Variants in ITGA11 observed in about 807,000 individuals in gnomAD.
The protein encoded by ITGA11 is integrin subunit alpha 11, also known as integrin alpha-11.
A neutral mutation model predicts 141.9 loss-of-function variants in ITGA11; 97 were observed. The observed-to-expected ratio is 0.68, with a 90% CI of 0.58 to 0.81. The LOEUF (loss-of-function observed/expected upper bound fraction) is 0.81. Among genes scored for constraint, ITGA11 ranks in the 30% least tolerant of loss-of-function variants. The pLI is 0.00. For synonymous variants in ITGA11, 658 were observed against 624.6 expected, an observed-to-expected ratio of 1.05 and a Z score of -0.80; for missense variants, 1,387 against 1,559.2, an observed-to-expected ratio of 0.89 and a Z score of 1.86.
At chr15:68,319,989 T>C (rs1893739143) in intron 20 of ITGA11, among the ~76,000 whole-genome samples, 196 bp downstream of exon 20, 1 of 152,130 alleles carries the variant, frequency 6.6e-6, no homozygotes, top group African/African-American at 2.4e-5. Flanking sequence ...GGGGTCTCAC[T>C]ATGTTGCCCA....
At position 68,321,489 on chromosome 15, in the gene ITGA11, G is replaced by A. The variant is rs377462191; in HGVS notation, c.2337C>T (p.Asn779=). The change falls in exon 19 of 30, where the codon AAC becomes AAT. Residue 779 remains asparagine (N), a synonymous_variant. Coordinates refer to ENST00000315757, the MANE Select transcript of ITGA11 (RefSeq NM_001004439.2). This position sits in a 1 kb window ranked among gnomAD's most constrained non-coding sequence, Gnocchi z 4.9. Reference sequence around the variant, plus strand: ...CACAGTGCTCATCCTCATTGCAGCCGTTCCAGAAGGGCACCTGGGCCAGGG... The same window carrying A: ...CACAGTGCTCATCCTCATTGCAGCCATTCCAGAAGGGCACCTGGGCCAGGG... ...TTLRVSVPFW[N]GCNEDEHCVP... is the part of the protein sequence containing the mutation. The A allele has an allele frequency of 2.6e-5, 41 of 1,594,882 alleles. No individual in the cohort carries two copies. The highest frequency in any genetic ancestry group is 1.2e-4 in the African/African-American group (9 of 73,132).
intron 1 of ITGA11, among the ~76,000 whole-genome samples, chr15:68,412,404 C>T (rs542612390): frequency 5.3e-5 from 8 of 152,298 alleles, no homozygotes; most frequent in African/African-American, 1.4e-4. Flanking sequence ...CTCAGCCATA[C>T]ACCGGGCCTG....
At chr15:68,354,734 C>T (rs1167068741) in intron 7 of ITGA11, among the ~76,000 whole-genome samples, 2 of 152,182 alleles carry the variant, frequency 1.3e-5, no homozygotes, top group African/African-American at 4.8e-5. Flanking sequence ...CCTCTCTCAT[C>T]CTCACCGAGT....
intron 10 of ITGA11, 102 bp from the exon 11 acceptor site, chr15:68,339,746 CG>C: frequency 1.5e-6 from 2 of 1,354,694 alleles, no homozygotes; most frequent in Non-Finnish European, 2.1e-6. Context: ...CCAGCCACCT[CG>C]GGCACCTTCT....
At chr15:68,345,166 A>C (rs1405601007) in intron 10 of ITGA11, among the ~76,000 whole-genome samples, 1 of 152,086 alleles carries the variant, frequency 6.6e-6, no homozygotes, top group African/African-American at 2.4e-5. Flanking sequence ...AGCCAGCACT[A>C]ATGGAAGCCA....
chr15:68,417,087 A>C (rs954200302), intron 1 of ITGA11, among the ~76,000 whole-genome samples: 2 of 152,082 alleles, frequency 1.3e-5, no homozygotes, highest in African/African-American at 4.8e-5. Flanking sequence ...CTTGGCCTCA[A>C]CATGGCCCGA....
chr15:68,311,647 A>C (rs1286105651), intron 24 of ITGA11, among the ~76,000 whole-genome samples: 1 of 152,170 alleles, frequency 6.6e-6, no homozygotes, highest in Non-Finnish European at 1.5e-5. Flanking sequence ...GCTGAAGACA[A>C]GTCAGTGGGG....
chr15:68,430,935 C>T (rs1490980862), intron 1 of ITGA11, among the ~76,000 whole-genome samples: 1 of 152,254 alleles, frequency 6.6e-6, no homozygotes, highest in African/African-American at 2.4e-5. Flanking sequence ...CCTGAGCTCC[C>T]TGAGGGCACC....
intron 7 of ITGA11, among the ~76,000 whole-genome samples, chr15:68,353,727 C>T (rs1427645805): frequency 1.3e-5 from 2 of 152,270 alleles, no homozygotes; most frequent in African/African-American, 2.4e-5. Context: ...TCATAACAGG[C>T]TCCATGGGCC....
In ITGA11 at chr15:68,321,238, C is replaced by T. The variant is rs1162885548; in HGVS notation, c.2408+180G>A. Among the ~76,000 whole-genome samples, 1 of 151,132 alleles carries T rather than the reference C, an allele frequency of 6.6e-6. No individual in the cohort carries two copies. Among genetic ancestry groups the T allele is most frequent in the Admixed American group, 6.6e-5 (1 of 15,196 alleles). On this transcript the variant is annotated intron_variant, in intron 19 of 29. Coordinates refer to ENST00000315757, the MANE Select transcript of ITGA11 (RefSeq NM_001004439.2). The surrounding 1 kb of genome is among the most constrained non-coding windows in gnomAD (Gnocchi z 4.9). ...GTTTCATATTACAGAAGAGACTTTC[C>T]TGAGGTTATGCAGGAGTTGGTGGCA...
At chr15:68,338,180 G>A (rs950583981) in intron 11 of ITGA11, among the ~76,000 whole-genome samples, 2 of 152,210 alleles carry the variant, frequency 1.3e-5, no homozygotes, top group East Asian at 1.9e-4. Context: ...AATAAAACAC[G>A]AGTCATTCTA....
Position 68,326,663 on chromosome 15 carries a change from G to C in ITGA11, c.2202C>G (p.Phe734Leu). ...SGQELCERIN[F>L]HVLDTADYVK... ...GGGGCTGCCAGCTTACCAGGACATG[G>C]AAGTTGATCCGCTCACAGAGCTCCT... is the stretch of plus-strand genomic sequence containing the variant. The change falls in exon 17 of 30, where the codon TTC (phenylalanine) becomes TTG (leucine). Residue 734 changes from phenylalanine to leucine, a missense_variant. By Grantham distance (22) the Phe-to-Leu change is conservative (BLOSUM62 0). Coordinates refer to ENST00000315757, the MANE Select transcript of ITGA11 (RefSeq NM_001004439.2). This position sits in a 1 kb window ranked among gnomAD's most constrained non-coding sequence, Gnocchi z 6.8. 6.3e-7 allele frequency: 1 copy of C among 1,591,740 alleles called. No individual in the cohort carries two copies. The highest frequency in any genetic ancestry group is 8.6e-7 in the Non-Finnish European group (1 of 1,169,380).
chr15:68,425,871 C>G (rs1322137819), intron 1 of ITGA11, among the ~76,000 whole-genome samples: 1 of 152,220 alleles, frequency 6.6e-6, no homozygotes, highest in African/African-American at 2.4e-5. Context: ...CAGGCAGGAA[C>G]CCCTTCTCTG....
In ITGA11 at chr15:68,335,552, T is replaced by C. The variant is rs1894320421; in HGVS notation, c.1425+145A>G. ...GTAGGTGGATGCGCACTCCTGCCAC[T>C]CCTGGCAGCATGAAGGTGGCTGGAG... is the stretch of plus-strand genomic sequence containing the variant. On this transcript the variant is annotated intron_variant, in intron 12 of 29. Coordinates refer to ENST00000315757, the MANE Select transcript of ITGA11 (RefSeq NM_001004439.2). This position sits in a 1 kb window ranked among gnomAD's most constrained non-coding sequence, Gnocchi z 4.9. The C allele has an allele frequency of 1.1e-6, 1 of 916,684 alleles. No homozygotes were observed. Among genetic ancestry groups the C allele is most frequent in the South Asian group, 1.6e-5 (1 of 62,314 alleles). 56.8% of individuals were successfully genotyped at this position (916,684 alleles called of 1,614,324 possible).
At chr15:68,399,775 A>C (rs1896421229) in intron 2 of ITGA11, among the ~76,000 whole-genome samples, 1 of 152,092 alleles carries the variant, frequency 6.6e-6, no homozygotes, top group African/African-American at 2.4e-5. Flanking sequence ...TAAAGATGGG[A>C]ACTATAGACA....
intron 22 of ITGA11, among the ~76,000 whole-genome samples, chr15:68,315,390 G>A (rs1312798754): frequency 6.6e-6 from 1 of 152,246 alleles, no homozygotes; most frequent in Admixed American, 6.5e-5. Context: ...ATACAGGGCT[G>A]TCTAAAAGTA....
chr15:68,322,432 A>G lies in ITGA11; in HGVS notation c.2323-929T>C, dbSNP rs917434135. Among the ~76,000 whole-genome samples, 2 of 152,026 alleles carry G rather than the reference A, an allele frequency of 1.3e-5. No individual in the cohort carries two copies. The highest frequency in any genetic ancestry group is 2.9e-5 in the Non-Finnish European group (2 of 67,990). On this transcript the variant is annotated intron_variant, in intron 18 of 29. Coordinates refer to ENST00000315757, the MANE Select transcript of ITGA11 (RefSeq NM_001004439.2). The surrounding 1 kb of genome is among the most constrained non-coding windows in gnomAD (Gnocchi z 5.6). ...GTGTCGGTGTGGTAGTGGGCATGAG[A>G]GGAGGAAATAGGTTAGTGACCCCAG...
At chr15:68,342,831 C>T (rs139577090) in intron 10 of ITGA11, among the ~76,000 whole-genome samples, 19 of 152,302 alleles carry the variant, frequency 1.2e-4, no homozygotes, top group African/African-American at 4.3e-4. Flanking sequence ...TCCTACAATG[C>T]ACCAGATGGT....
Position 68,297,155 on chromosome 15 carries a change from C to G in ITGA11, c.*5904G>C, listed in dbSNP as rs187749233. The G allele has an allele frequency of 6.6e-6, 1 of 152,242 alleles. No individual in the cohort carries two copies. The highest frequency in any genetic ancestry group is 1.9e-4 in the East Asian group (1 of 5,180). The allele number at this position is 152,242 out of a possible 1,614,324, so 9.4% of individuals were successfully genotyped here. A position where few individuals can be genotyped will look rare whatever the true frequency, so the allele number is the denominator to read the frequency against. ...GTAGAGATGGGGTTTTGCCATGATGCCTAGGCTGGTCTTGAACTCCTGGGT... is the reference window on the plus strand; with the variant it reads ...GTAGAGATGGGGTTTTGCCATGATGGCTAGGCTGGTCTTGAACTCCTGGGT... On this transcript the variant is annotated 3_prime_UTR_variant, in exon 30 of 30. Coordinates refer to ENST00000315757, the MANE Select transcript of ITGA11 (RefSeq NM_001004439.2).
Sources: allele counts gnomAD v4.1 joint callset (sites outside exome capture counted in the v4.1 genomes callset), GRCh38; gene constraint gnomAD v4.1.1; non-coding constraint Gnocchi (gnomAD v3.1); transcripts MANE v1.5; gene names NCBI Gene and HGNC (gene_info 2026-07-23, HGNC 2026-07-21).